The following SLC67A1 variants were observed in gnomAD, a reference collection of about 807,000 sequenced individuals.
SLC67A1 encodes solute carrier family 67 member 1.
the SLC67A1 span, among the ~76,000 whole-genome samples, chr11:2,910,688 C>T: frequency 1.3e-5 from 2 of 151,894 alleles, no homozygotes; most frequent in Non-Finnish European, 2.9e-5. Context: ...CAGAGGGGAC[C>T]GTGATGAGAG....
the SLC67A1 span, chr11:2,919,217 C>G: frequency 1.5e-5 from 14 of 910,676 alleles, no homozygotes; most frequent in Non-Finnish European, 2.2e-5. Context: ...CCCAGACACC[C>G]TGATTGGCCA....
At chr11:2,912,192 G>A in the SLC67A1 span, among the ~76,000 whole-genome samples, 7 of 152,246 alleles carry the variant, frequency 4.6e-5, no homozygotes, top group Non-Finnish European at 7.3e-5. Flanking sequence ...GAGTGGTGGT[G>A]GCACAGGAGG....
the SLC67A1 span, among the ~76,000 whole-genome samples, chr11:2,911,534 T>A: frequency 1.3e-5 from 2 of 152,036 alleles, no homozygotes; most frequent in Non-Finnish European, 2.9e-5. Context: ...GGAGGAGCAC[T>A]GGGCCCCAGC....
the SLC67A1 span, chr11:2,909,452 G>A: frequency 4.2e-6 from 6 of 1,436,632 alleles, no homozygotes; most frequent in African/African-American, 4.5e-5. Flanking sequence ...TGCGCGCGGG[G>A]TCTGGCCCTA....
chr11:2,915,296 T>TAC, the SLC67A1 span: 5 of 905,050 alleles, frequency 5.5e-6, no homozygotes, highest in Non-Finnish European at 6.6e-6. Flanking sequence ...TGTGTGTGTG[T>TAC]GCGCATGTGG....
the SLC67A1 span, among the ~76,000 whole-genome samples, chr11:2,915,863 G>T: frequency 9.2e-5 from 14 of 152,222 alleles, no homozygotes; most frequent in African/African-American, 3.4e-4. Context: ...AGCTTCAGGT[G>T]CCTCCGTCCC....
At chr11:2,904,394 G>A in the SLC67A1 span, among the ~76,000 whole-genome samples, 1,782 of 152,294 alleles carry the variant, frequency 0.012, 41 homozygotes, top group African/African-American at 0.041. Context: ...CCTCCCCGCC[G>A]TGCCTCAGGC....
At chr11:2,909,631 C>G in the SLC67A1 span, 2 of 1,533,986 alleles carry the variant, frequency 1.3e-6, no homozygotes, top group Admixed American at 2.0e-5. Flanking sequence ...GCCCGCGGCC[C>G]TGGGCCGGCT....
the SLC67A1 span, chr11:2,916,826 G>T: frequency 9.1e-7 from 1 of 1,102,222 alleles, no homozygotes; most frequent in South Asian, 1.4e-5. Flanking sequence ...AAGGGGTACG[G>T]GGGGCCTGAG....
the SLC67A1 span, among the ~76,000 whole-genome samples, chr11:2,914,483 C>G: frequency 2.6e-5 from 4 of 152,128 alleles, no homozygotes; most frequent in African/African-American, 4.8e-5. Flanking sequence ...TTTTGGGGAG[C>G]AGGAGAGCTG....
chr11:2,900,047 TGA>T, the SLC67A1 span, among the ~76,000 whole-genome samples: 2 of 152,138 alleles, frequency 1.3e-5, no homozygotes, highest in African/African-American at 4.8e-5. Flanking sequence ...TAAGACACTC[TGA>T]GACTCCTGTC....
the SLC67A1 span, chr11:2,919,076 C>T: frequency 5.4e-6 from 3 of 553,510 alleles, no homozygotes; most frequent in Non-Finnish European, 9.9e-6. Flanking sequence ...CACCTTCCTG[C>T]TCACAGTCCA....
At chr11:2,916,848 G>A in the SLC67A1 span, 4 of 907,538 alleles carry the variant, frequency 4.4e-6, no homozygotes, top group East Asian at 9.9e-5. Context: ...GGAAATCTGG[G>A]GGCTACTCAC....
chr11:2,911,706 G>A, the SLC67A1 span, among the ~76,000 whole-genome samples: 2 of 152,196 alleles, frequency 1.3e-5, no homozygotes, highest in Non-Finnish European at 2.9e-5. Context: ...ACGATGCTGG[G>A]AGGGTCCGAG....
At chr11:2,914,590 GGTCCCCCAGCCCC>G in the SLC67A1 span, 3 of 502,074 alleles carry the variant, frequency 6.0e-6, 1 homozygote, top group Admixed American at 1.3e-4. Context: ...GGCCCTCCAG[GGTCCCCCAGCCCC>G]AGGCTTTCCT....
the SLC67A1 span, among the ~76,000 whole-genome samples, chr11:2,906,043 T>C: frequency 3.3e-5 from 5 of 152,162 alleles, no homozygotes; most frequent in Admixed American, 1.3e-4. Context: ...GGCTTGGGGA[T>C]GAGAAACTCA....
chr11:2,901,706 A>G, the SLC67A1 span, among the ~76,000 whole-genome samples: 3 of 152,128 alleles, frequency 2.0e-5, no homozygotes, highest in South Asian at 2.1e-4. Context: ...TGAAATGGGG[A>G]AAAGTGGGCT....
chr11:2,903,620 T>TG, the SLC67A1 span: 4 of 949,592 alleles, frequency 4.2e-6, no homozygotes, highest in East Asian at 1.0e-4. Flanking sequence ...CAGTTGGGAC[T>TG]CATGCCACGC....
At chr11:2,900,379 C>T in the SLC67A1 span, among the ~76,000 whole-genome samples, 1 of 151,904 alleles carries the variant, frequency 6.6e-6, no homozygotes, top group East Asian at 1.9e-4. Context: ...TGGGAGTTTT[C>T]AGAACAAAGA....
Sources: gnomAD v4.1 joint callset for allele counts (sites outside exome capture counted in the v4.1 genomes callset) on GRCh38, gnomAD v4.1.1 for gene constraint, MANE v1.5 for transcripts, NCBI Gene and HGNC (gene_info 2026-07-23, HGNC 2026-07-21) for gene names.